Variants in XIRP2 observed in about 807,000 individuals in gnomAD.
XIRP2 encodes the protein xin actin binding repeat containing 2, also known as xin actin-binding repeat-containing protein 2.
XIRP2 carries 236 observed loss-of-function variants against 277.0 expected under a neutral mutation model. That is an observed-to-expected ratio of 0.85 (90% CI 0.77 to 0.95). The LOEUF is 0.95. Among genes scored for constraint, XIRP2 ranks in the 40% least tolerant of loss-of-function variants. The pLI is 0.00. For synonymous variants in XIRP2, 1,490 were observed against 1,416.5 expected, an observed-to-expected ratio of 1.05 and a Z score of -1.17; for missense variants, 4,640 against 4,157.5, an observed-to-expected ratio of 1.12 and a Z score of -3.19.
At chr2:167,046,866 A>G (rs1574201826) in intron 2 of XIRP2, among the ~76,000 whole-genome samples, 2 of 151,832 alleles carry the variant, frequency 1.3e-5, no homozygotes, top group Admixed American at 6.6e-5. Context: ...TACACCAAAC[A>G]CCAGCAACGT....
chr2:167,035,888 C>G (rs1057046110), intron 2 of XIRP2, among the ~76,000 whole-genome samples: 2 of 152,216 alleles, frequency 1.3e-5, no homozygotes, highest in African/African-American at 4.8e-5. Context: ...TTGATGCCCT[C>G]TGTCCCAGCT....
intron 2 of XIRP2, among the ~76,000 whole-genome samples, chr2:166,937,501 A>AT (rs565840369): frequency 6.6e-6 from 1 of 152,058 alleles, no homozygotes; most frequent in Non-Finnish European, 1.5e-5. Context: ...GTTTGCCAGT[A>AT]TTTTTTTGAG....
chr2:167,009,027 C>A (rs1388507348), intron 2 of XIRP2, among the ~76,000 whole-genome samples: 3 of 151,066 alleles, frequency 2.0e-5, no homozygotes, highest in South Asian at 4.1e-4. Context: ...GCCACTGCTG[C>A]AACTTCCTAT....
At chr2:167,118,525 A>AAAATAAAATAAAATG (rs1690961811) in intron 2 of XIRP2, among the ~76,000 whole-genome samples, 1 of 151,396 alleles carries the variant, frequency 6.6e-6, no homozygotes, top group African/African-American at 2.4e-5. Context: ...AAAATAAAAT[A>AAAATAAAATAAAATG]AAATAAAATA....
intron 2 of XIRP2, among the ~76,000 whole-genome samples, chr2:167,127,128 T>A (rs1691229342): frequency 6.6e-6 from 1 of 152,166 alleles, no homozygotes; most frequent in Non-Finnish European, 1.5e-5. Flanking sequence ...TTTTATTGCA[T>A]TTTTTTCTTA....
chr2:166,946,984 G>A (rs1685892397), intron 2 of XIRP2, among the ~76,000 whole-genome samples: 1 of 152,002 alleles, frequency 6.6e-6, no homozygotes, highest in African/African-American at 2.4e-5. Flanking sequence ...ACAATGAAAG[G>A]CATAGCCCCC....
intron 2 of XIRP2, among the ~76,000 whole-genome samples, chr2:167,010,819 T>A (rs1272897420): frequency 2.6e-5 from 4 of 152,122 alleles, no homozygotes; most frequent in African/African-American, 7.2e-5. Context: ...GGTATTTTAT[T>A]CTCTTTGAAG....
At chr2:166,933,887 A>G (rs34618889) in intron 2 of XIRP2, among the ~76,000 whole-genome samples, 11,416 of 152,112 alleles carry the variant, frequency 0.075, 968 homozygotes, top group East Asian at 0.47. Flanking sequence ...GATATTTGCT[A>G]TTTCTTGTTG....
intron 3 of XIRP2, among the ~76,000 whole-genome samples, chr2:167,184,174 C>T (rs974519405): frequency 6.6e-6 from 1 of 152,168 alleles, no homozygotes; most frequent in African/African-American, 2.4e-5. Flanking sequence ...ATCTGTCTCC[C>T]ATCTGCTAGG....
intron 2 of XIRP2, among the ~76,000 whole-genome samples, chr2:166,980,573 C>T (rs991057611): frequency 1.3e-5 from 2 of 151,992 alleles, no homozygotes; most frequent in African/African-American, 4.8e-5. Flanking sequence ...CCCGCCACCA[C>T]GTCTGGCTAA....
intron 1 of XIRP2, among the ~76,000 whole-genome samples, chr2:166,896,498 A>C (rs1444758167): frequency 1.3e-5 from 2 of 151,840 alleles, no homozygotes; most frequent in Non-Finnish European, 2.9e-5. Context: ...AAAAGTAAAA[A>C]AAAAAGAAAA....
At chr2:166,892,981 T>C (rs6743436) in intron 1 of XIRP2, among the ~76,000 whole-genome samples, 64,631 of 142,964 alleles carry the variant, frequency 0.45, 14,302 homozygotes, top group African/African-American at 0.55. Context: ...TATATGTATA[T>C]ACACACACAC....
chr2:167,239,076 A>G, intron 5 of XIRP2, among the ~76,000 whole-genome samples: 1 of 150,162 alleles, frequency 6.7e-6, no homozygotes, highest in East Asian at 1.9e-4. Context: ...TATATTGGTT[A>G]CATTTAATGG....
chr2:167,174,054 G>A (rs1436813372), intron 3 of XIRP2, among the ~76,000 whole-genome samples: 4 of 152,142 alleles, frequency 2.6e-5, no homozygotes, highest in Non-Finnish European at 4.4e-5. Flanking sequence ...ATGTTCATCA[G>A]GGATATGGGC....
At chr2:167,194,559 T>C (rs1167382378) in intron 3 of XIRP2, among the ~76,000 whole-genome samples, 3 of 152,180 alleles carry the variant, frequency 2.0e-5, no homozygotes, top group Admixed American at 1.3e-4. Flanking sequence ...TGTTCTCAGT[T>C]TACCAGAATC....
chr2:167,258,472 G>T lies in XIRP2; in HGVS notation c.*655G>T, dbSNP rs376654433. 54 of 1,613,118 alleles carry T rather than the reference G, an allele frequency of 3.3e-5. 1 individual carries two copies. The South Asian group carries it at 5.8e-4, about 17-fold the overall frequency. On this transcript the variant is annotated 3_prime_UTR_variant, in exon 11 of 11. Transcript: ENST00000409195. ...GAAGGAAGAATGTGCAAGATAGGCC[G>T]AGTGAAGCTGAAGACACAAAGAGTA...
intron 2 of XIRP2, chr2:167,124,407 T>G (rs1223514122): frequency 6.6e-6 from 1 of 152,216 alleles, no homozygotes; most frequent in African/African-American, 2.4e-5. Flanking sequence ...TCTTTCACTC[T>G]AGAAGAAGTG....
intron 2 of XIRP2, among the ~76,000 whole-genome samples, chr2:167,024,464 G>T (rs532416016): frequency 6.6e-5 from 10 of 152,120 alleles, no homozygotes; most frequent in East Asian, 5.8e-4. Context: ...CTGCCTAACT[G>T]CCCTGGCCAG....
At chr2:167,140,588 T>A (rs1465426836) in intron 3 of XIRP2, among the ~76,000 whole-genome samples, 1 of 152,110 alleles carries the variant, frequency 6.6e-6, no homozygotes, top group East Asian at 1.9e-4. Context: ...GACCCAGGAC[T>A]CCCAGCACCG....
Sources: allele counts gnomAD v4.1 joint callset (sites outside exome capture counted in the v4.1 genomes callset), GRCh38; gene constraint gnomAD v4.1.1; transcripts MANE v1.5; gene names NCBI Gene and HGNC (gene_info 2026-07-23, HGNC 2026-07-21).